Variants in CAMSAP3 observed in about 807,000 individuals in gnomAD.
CAMSAP3 encodes calmodulin regulated spectrin associated protein family member 3, also known as calmodulin-regulated spectrin-associated protein 3.
In CAMSAP3, 34 loss-of-function variants were observed where a neutral mutation model predicts 112.5. The observed-to-expected ratio is 0.30, with a 90% CI of 0.23 to 0.40. The LOEUF (loss-of-function observed/expected upper bound fraction) is 0.40. CAMSAP3 is among the 10% of genes least tolerant of loss of function. The pLI, the probability that CAMSAP3 is intolerant of heterozygous loss-of-function variation, is 1.00. For missense variants in CAMSAP3, 1,602 were observed against 1,770.3 expected, an observed-to-expected ratio of 0.90 and a Z score of 1.71; for synonymous variants, 868 against 799.8, an observed-to-expected ratio of 1.09 and a Z score of -1.44.
At position 7,617,194 on chromosome 19, in the gene CAMSAP3, G is replaced by A. The variant is rs555857969; in HGVS notation, c.3213-132G>A. On this transcript the variant is annotated intron_variant, in intron 14 of 16. Coordinates refer to ENST00000160298, the MANE Select transcript of CAMSAP3 (RefSeq NM_020902.2). This position sits in a 1 kb window ranked among gnomAD's most constrained non-coding sequence, Gnocchi z 7.5. ...GGCCTCCCGAAGTGCTGGGATTACA[G>A]GCATGAGCCACGATGCCCAGCCGTG... 77 of 707,264 alleles carry A rather than the reference G, an allele frequency of 1.1e-4. No homozygotes were observed. The South Asian group carries it at 1.1e-3, about 11-fold the overall frequency. 43.8% of individuals were successfully genotyped at this position (707,264 alleles called of 1,614,324 possible).
intron 5 of CAMSAP3, among the ~76,000 whole-genome samples, chr19:7,608,633 CTT>C (rs1012617941): frequency 1.7e-4 from 22 of 131,594 alleles, no homozygotes; most frequent in Non-Finnish European, 1.6e-4. Flanking sequence ...TCCAAAAGTA[CTT>C]TTTTTTTTTT....
At chr19:7,616,102 G>A (rs1180649763) in intron 13 of CAMSAP3, among the ~76,000 whole-genome samples, 1 of 151,800 alleles carries the variant, frequency 6.6e-6, no homozygotes, top group Non-Finnish European at 1.5e-5. Context: ...CAGGAGAATC[G>A]CTTGAGCCTG....
intron 1 of CAMSAP3, among the ~76,000 whole-genome samples, chr19:7,604,416 A>T (rs1455246994): frequency 2.0e-5 from 3 of 151,878 alleles, no homozygotes; most frequent in African/African-American, 7.3e-5. Flanking sequence ...ATGTCCTCAA[A>T]GCCCCTCACA....
At chr19:7,596,915 G>A (rs1439297242) in intron 1 of CAMSAP3, among the ~76,000 whole-genome samples, 6 of 152,110 alleles carry the variant, frequency 3.9e-5, no homozygotes, top group Non-Finnish European at 7.4e-5. Flanking sequence ...CCCCAGGCCC[G>A]CTTGCCTGAG....
intron 14 of CAMSAP3, 98 bp downstream of exon 14, chr19:7,616,720 C>A: frequency 1.2e-6 from 1 of 852,090 alleles, no homozygotes; most frequent in Non-Finnish European, 1.9e-6. Context: ...GGCGGTATGG[C>A]TCGAGTTTAT....
In CAMSAP3 at chr19:7,612,423, G is replaced by A. The variant is rs764104292; in HGVS notation, c.1930G>A (p.Glu644Lys). Residue 644 changes from glutamate (E) to lysine (K), a missense_variant, in exon 11 of 17, where the codon GAA becomes AAA. This residue lies in a region of CAMSAP3 where 1,100 missense variants were observed against 1,135.7 expected (regional missense o/e 0.97). Transcript: ENST00000160298. ...KSAFLQVQPR[E>K]ASGEAEAEAE... The stretch of plus-strand genomic sequence containing the variant: ...CGCCTTCCTGCAGGTGCAGCCGCGG[G>A]AAGCCTCTGGGGAGGCGGAAGCAGA... 1.9e-6 allele frequency: 3 copies of A among 1,591,720 alleles called. No individual in the cohort carries two copies. Among genetic ancestry groups the A allele is most frequent in the South Asian group, 2.3e-5 (2 of 88,492 alleles).
chr19:7,615,225 A>G lies in CAMSAP3; in HGVS notation c.2713A>G (p.Ser905Gly). The change falls in exon 12 of 17, where the codon AGC (serine) becomes GGC (glycine). Residue 905 changes from serine to glycine, a missense_variant. Physicochemically the swap from Ser to Gly is moderately conservative, Grantham distance 56 (BLOSUM62 0). This residue lies in a region of CAMSAP3 where 1,100 missense variants were observed against 1,135.7 expected (regional missense o/e 0.97). Coordinates refer to ENST00000160298, the MANE Select transcript of CAMSAP3 (RefSeq NM_020902.2). The surrounding 1 kb of genome is among the most constrained non-coding windows in gnomAD (Gnocchi z 6.5). ...PEDEMAQKRASLLERQQRRAE... is the reference protein window; with the variant it reads ...PEDEMAQKRAGLLERQQRRAE... ...GGACGAGATGGCCCAAAAGCGGGCC[A>G]GCCTGCTGGAGCGGCAGCAGCGGCG... 3 of 1,552,354 alleles carry G rather than the reference A, an allele frequency of 1.9e-6. No individual in the cohort carries two copies. Among genetic ancestry groups the G allele is most frequent in the Non-Finnish European group, 2.6e-6 (3 of 1,148,016 alleles).
chr19:7,611,933 C>T lies in CAMSAP3; in HGVS notation c.1440C>T (p.Asp480=), dbSNP rs773452767. Residue 480 remains aspartate, a synonymous_variant, in exon 11 of 17, where the codon GAC becomes GAT. Coordinates refer to ENST00000160298, the MANE Select transcript of CAMSAP3 (RefSeq NM_020902.2). This position sits in a 1 kb window ranked among gnomAD's most constrained non-coding sequence, Gnocchi z 6.9. ...GGCTCCTCCCAGATGGGGCGGCCGA[C>T]GGCAGCTTCTACCTCCACTCCCCTG... ...EPRLLPDGAA[D]GSFYLHSPEG... 4.4e-6 allele frequency: 7 copies of T among 1,594,784 alleles called. No individual in the cohort carries two copies. Among genetic ancestry groups the T allele is most frequent in the East Asian group, 4.5e-5 (2 of 44,538 alleles).
intron 1 of CAMSAP3, among the ~76,000 whole-genome samples, chr19:7,596,559 C>G (rs1259255158): frequency 2.6e-5 from 4 of 152,154 alleles, no homozygotes; most frequent in African/African-American, 2.4e-5. Flanking sequence ...CGAGGATCTC[C>G]TCTCGGTCTC....
chr19:7,605,367 C>A lies in CAMSAP3; in HGVS notation c.290C>A (p.Thr97Lys). 1 of 1,599,326 alleles carries A rather than the reference C, an allele frequency of 6.3e-7. No individual in the cohort carries two copies. Among genetic ancestry groups the A allele is most frequent in the Non-Finnish European group, 8.5e-7 (1 of 1,170,660 alleles). Residue 97 changes from threonine to lysine, a missense_variant, in exon 2 of 17, where the codon ACA becomes AAA. Physicochemically the swap from Thr to Lys is moderately conservative, Grantham distance 78. This residue lies in a region of CAMSAP3 where 147 missense variants were observed against 144.6 expected (regional missense o/e 1.02). Coordinates refer to ENST00000160298, the MANE Select transcript of CAMSAP3 (RefSeq NM_020902.2). Reference protein sequence around the residue: ...AWRQALPQLETPPNPSALLAL... With the variant: ...AWRQALPQLEKPPNPSALLAL... ...CGCCAGGCACTGCCACAGCTTGAAA[C>A]ACCCCCCAACCCCTCTGCACTGCTG...
chr19:7,596,174 G>GC, intron 1 of CAMSAP3, 24 bp downstream of exon 1: 1 of 682,204 alleles, frequency 1.5e-6, no homozygotes, highest in Non-Finnish European at 1.8e-6. Flanking sequence ...GGGGACCGGG[G>GC]TCGGGGGCGG....
In CAMSAP3 at chr19:7,615,608, C is replaced by CG; in HGVS notation, c.3004dup (p.Ala1002GlyfsTer23). 1 of 1,461,074 alleles carries CG rather than the reference C, an allele frequency of 6.8e-7. No individual in the cohort carries two copies. The highest frequency in any genetic ancestry group is 9.0e-7 in the Non-Finnish European group (1 of 1,107,630). The allele number at this position is 1,461,074 out of a possible 1,614,324, so 90.5% of individuals were successfully genotyped here. A position where few individuals can be genotyped will look rare whatever the true frequency, so the allele number is the denominator to read the frequency against. On this transcript the variant is annotated frameshift_variant, in exon 13 of 17. Coordinates refer to ENST00000160298, the MANE Select transcript of CAMSAP3 (RefSeq NM_020902.2). LOFTEE classifies it high-confidence loss of function. This position sits in a 1 kb window ranked among gnomAD's most constrained non-coding sequence, Gnocchi z 6.5. The stretch of plus-strand genomic sequence containing the variant: ...CGACCTCGATAAGGTGCTGCGGCCC[C>CG]GGGCTGCGGGGTCCGGGGGTCCAGG...
chr19:7,616,934 CT>C (rs545769780), intron 14 of CAMSAP3, among the ~76,000 whole-genome samples: 92 of 83,018 alleles, frequency 1.1e-3, no homozygotes, highest in South Asian at 2.6e-3. Flanking sequence ...TGTGGCCCGC[CT>C]TTTTTTTTTT....
chr19:7,617,262 C>T lies in CAMSAP3; in HGVS notation c.3213-64C>T. On this transcript the variant is annotated intron_variant, in intron 14 of 16. Coordinates refer to ENST00000160298, the MANE Select transcript of CAMSAP3 (RefSeq NM_020902.2). The surrounding 1 kb of genome is among the most constrained non-coding windows in gnomAD (Gnocchi z 7.5). ...CCCCTCTGCACATAGGGAAGCTTCC[C>T]ATCTCTGACCCCACCTCCATCCCAT... is the stretch of plus-strand genomic sequence containing the variant. The T allele has an allele frequency of 8.6e-7, 1 of 1,160,048 alleles. No homozygotes were observed. The highest frequency in any genetic ancestry group is 1.3e-6 in the Non-Finnish European group (1 of 768,438). 71.9% of individuals were successfully genotyped at this position (1,160,048 alleles called of 1,614,324 possible).
chr19:7,612,613 G>A lies in CAMSAP3; in HGVS notation c.2120G>A (p.Ser707Asn), dbSNP rs1369949678. 6.5e-7 allele frequency: 1 copy of A among 1,529,622 alleles called. No individual in the cohort carries two copies. The highest frequency in any genetic ancestry group is 8.8e-7 in the Non-Finnish European group (1 of 1,141,892). 94.8% of individuals were successfully genotyped at this position (1,529,622 alleles called of 1,614,324 possible). ...GEYNRAVSKL[S>N]AALSSLQRDM... is the part of the protein sequence containing the mutation. The stretch of plus-strand genomic sequence containing the variant: ...TACAATCGAGCGGTCAGCAAGCTGA[G>A]TGCCGCCTTGAGCTCGCTGCAGCGG... Residue 707 changes from serine to asparagine, a missense_variant, in exon 11 of 17, where the codon AGT (serine) becomes AAT (asparagine). Ser to Asn is a conservative substitution (Grantham distance 46, BLOSUM62 1). Transcript: ENST00000160298.
Position 7,611,392 on chromosome 19 carries a change from A to G in CAMSAP3, c.1124-125A>G. The G allele has an allele frequency of 1.0e-6, 1 of 992,172 alleles. No individual in the cohort carries two copies. Among genetic ancestry groups the G allele is most frequent in the Non-Finnish European group, 1.5e-6 (1 of 671,354 alleles). 61.5% of individuals were successfully genotyped at this position (992,172 alleles called of 1,614,324 possible). ...TCTGTTTCTGGAAACCTCTGGTCTC[A>G]CTAGACCACATAATGAGCCATCAGT... On this transcript the variant is annotated intron_variant, in intron 9 of 16. Transcript: ENST00000160298. The surrounding 1 kb of genome is among the most constrained non-coding windows in gnomAD (Gnocchi z 6.9).
At chr19:7,600,932 A>G (rs2029938214) in intron 1 of CAMSAP3, among the ~76,000 whole-genome samples, 1 of 150,238 alleles carries the variant, frequency 6.7e-6, no homozygotes, top group South Asian at 2.1e-4. Flanking sequence ...TTATCCATCC[A>G]TCCATCCATT....
In CAMSAP3 at chr19:7,615,317, C is replaced by T. The variant is rs575495576; in HGVS notation, c.2805C>T (p.Ala935=). The T allele has an allele frequency of 2.5e-5, 39 of 1,545,134 alleles. No individual in the cohort carries two copies. Among genetic ancestry groups the T allele is most frequent in the South Asian group, 8.4e-5 (7 of 83,730 alleles). Residue 935 remains alanine, a synonymous_variant, in exon 12 of 17, where the codon GCC becomes GCT. Transcript: ENST00000160298. This position sits in a 1 kb window ranked among gnomAD's most constrained non-coding sequence, Gnocchi z 6.5. ...EVEKEQRREE[A]ARLAQEEAPG... Reference sequence around the variant, plus strand: ...AGAAGGAACAGCGGAGGGAGGAGGCCGCGAGGTGAGGCCGGGCCTGCCCGG... The same window carrying T: ...AGAAGGAACAGCGGAGGGAGGAGGCTGCGAGGTGAGGCCGGGCCTGCCCGG...
intron 11 of CAMSAP3, chr19:7,614,802 A>C: frequency 3.3e-6 from 1 of 306,324 alleles, no homozygotes; most frequent in East Asian, 8.5e-5. Context: ...ACGCCCACCT[A>C]GTTAAATCCT....
Sources: gnomAD v4.1 joint callset for allele counts (sites outside exome capture counted in the v4.1 genomes callset) on GRCh38, gnomAD v4.1.1 for gene constraint, gnomAD v4.1.1 regional missense constraint, Gnocchi (gnomAD v3.1) non-coding constraint, MANE v1.5 for transcripts, NCBI Gene and HGNC (gene_info 2026-07-23, HGNC 2026-07-21) for gene names.